The following RAD54B variants were observed in gnomAD, a reference collection of about 807,000 sequenced individuals.
RAD54B encodes the protein RAD54 homolog B.
Under a neutral mutation model 95.8 loss-of-function variants are expected in RAD54B, and 78 were observed. The ratio of observed to expected loss-of-function variants is 0.81; its 90% CI spans 0.68 to 0.98. The LOEUF (loss-of-function observed/expected upper bound fraction) is 0.98. RAD54B is among the 50% of genes least tolerant of loss of function. The pLI is 0.00. For synonymous variants in RAD54B, 328 were observed against 354.9 expected, an observed-to-expected ratio of 0.92 and a Z score of 0.85; for missense variants, 957 against 1,056.6, an observed-to-expected ratio of 0.91 and a Z score of 1.31.
intron 3 of RAD54B, among the ~76,000 whole-genome samples, chr8:94,421,313 C>G (rs934778512): frequency 6.6e-6 from 1 of 152,078 alleles, no homozygotes; most frequent in Non-Finnish European, 1.5e-5. Context: ...TCAAATTTTC[C>G]TCTTACCTCT....
Position 94,458,186 on chromosome 8 carries a change from T to C in RAD54B, c.304+82A>G, listed in dbSNP as rs182913347. 8.5e-6 allele frequency: 11 copies of C among 1,296,656 alleles called. No individual in the cohort carries two copies. In the East Asian group the frequency reaches 2.3e-4, roughly 27 times the overall value. 80.3% of individuals were successfully genotyped at this position (1,296,656 alleles called of 1,614,324 possible). ...ACATCAACAATTTTCTAATATAACATATTCATTCTTAAAACATCATTTAAA... is the reference window on the plus strand; with the variant it reads ...ACATCAACAATTTTCTAATATAACACATTCATTCTTAAAACATCATTTAAA... On this transcript the variant is annotated intron_variant, in intron 3 of 14. Transcript: ENST00000336148.
intron 6 of RAD54B, among the ~76,000 whole-genome samples, 199 bp from the exon 7 acceptor site, chr8:94,400,662 T>A (rs1217656688): frequency 6.6e-6 from 1 of 152,146 alleles, no homozygotes; most frequent in African/African-American, 2.4e-5. Flanking sequence ...AAAACATAAA[T>A]CTGAAATTAG....
rs145354005 is a variant in RAD54B, at chr8:94,439,162, T to C, written c.304+19106A>G. Among the ~76,000 whole-genome samples the C allele has an allele frequency of 9.2e-5, 14 of 152,144 alleles. No individual in the cohort carries two copies. The East Asian group carries it at 2.7e-3, about 29-fold the overall frequency. ...GGGAAAGAGTACTCTTCTGTACCAC[T>C]GAAGGGAGTGTAAAATGACATTTTG... On this transcript the variant is annotated intron_variant, in intron 3 of 14. Transcript: ENST00000336148.
chr8:94,419,520 T>A (rs1414524799), intron 3 of RAD54B, among the ~76,000 whole-genome samples: 1 of 151,712 alleles, frequency 6.6e-6, no homozygotes, highest in African/African-American at 2.4e-5. Context: ...AAAAAATAAA[T>A]AAATAAATGA....
At chr8:94,431,912 GAA>G in intron 3 of RAD54B, 6 of 1,096,546 alleles carry the variant, frequency 5.5e-6, no homozygotes, top group Non-Finnish European at 6.9e-6. Context: ...TAAACTTAGG[GAA>G]AAAAAAAAGA....
At chr8:94,466,421 T>TGGGG (rs1206747469) in intron 2 of RAD54B, among the ~76,000 whole-genome samples, 4 of 150,516 alleles carry the variant, frequency 2.7e-5, no homozygotes, top group Non-Finnish European at 4.4e-5. Context: ...TTTTTTTTTT[T>TGGGG]GGGGGGGACG....
chr8:94,392,764 ATTTTT>A (rs34856809), intron 9 of RAD54B, among the ~76,000 whole-genome samples: 3 of 72,602 alleles, frequency 4.1e-5, no homozygotes, highest in African/African-American at 1.7e-4. Context: ...CACCTGGCTG[ATTTTT>A]TTTTTTTTTT....
chr8:94,412,239 G>A (rs565979958), intron 3 of RAD54B, among the ~76,000 whole-genome samples: 1 of 152,264 alleles, frequency 6.6e-6, no homozygotes, highest in African/African-American at 2.4e-5. Flanking sequence ...GTTCTACTGT[G>A]TACCTATACC....
chr8:94,471,593 T>C (rs1466730580), intron 1 of RAD54B, among the ~76,000 whole-genome samples: 1 of 152,108 alleles, frequency 6.6e-6, no homozygotes, highest in African/African-American at 2.4e-5. Context: ...AGATATAATA[T>C]ACATGTTATA....
At chr8:94,412,910 T>C (rs775177783) in intron 3 of RAD54B, among the ~76,000 whole-genome samples, 1 of 152,174 alleles carries the variant, frequency 6.6e-6, no homozygotes, top group Non-Finnish European at 1.5e-5. Context: ...TGTATTCTTA[T>C]AGACTAGCAA....
At chr8:94,441,094 G>A (rs1014750660) in intron 3 of RAD54B, among the ~76,000 whole-genome samples, 11 of 148,152 alleles carry the variant, frequency 7.4e-5, no homozygotes, top group Admixed American at 5.9e-4. Context: ...TCTGACCACC[G>A]GTGCATGCAG....
intron 4 of RAD54B, among the ~76,000 whole-genome samples, chr8:94,409,616 T>A (rs1396909621): frequency 6.6e-6 from 1 of 152,062 alleles, no homozygotes; most frequent in African/African-American, 2.4e-5. Context: ...TCCTTCCCCA[T>A]CAGCCTCCCA....
intron 3 of RAD54B, among the ~76,000 whole-genome samples, chr8:94,450,973 T>A (rs1377145747): frequency 2.6e-5 from 4 of 152,186 alleles, no homozygotes; most frequent in Non-Finnish European, 4.4e-5. Context: ...GGGTACTATA[T>A]TAGAATTGGA....
intron 3 of RAD54B, among the ~76,000 whole-genome samples, chr8:94,453,754 T>A (rs1812718481): frequency 6.6e-6 from 1 of 152,160 alleles, no homozygotes; most frequent in African/African-American, 2.4e-5. Context: ...AGTAGACAGC[T>A]ATGTAACAGG....
Position 94,383,931 on chromosome 8 carries a change from A to G in RAD54B, c.1985+3053T>C, listed in dbSNP as rs965058741. ...ACCCTGTGCACTGTTGGTGGAAATG[A>G]AAATGGTGCAGTCCTCTATGAAAAA... On this transcript the variant is annotated intron_variant, in intron 11 of 14. Transcript: ENST00000336148. Among the ~76,000 whole-genome samples the G allele has an allele frequency of 2.0e-5, 3 of 152,204 alleles. No homozygotes were observed. In the East Asian group the frequency reaches 5.8e-4, roughly 29 times the overall value.
At chr8:94,445,646 G>GT (rs1330631982) in intron 3 of RAD54B, among the ~76,000 whole-genome samples, 1 of 152,016 alleles carries the variant, frequency 6.6e-6, no homozygotes, top group African/African-American at 2.4e-5. Flanking sequence ...CAGCTGAGTT[G>GT]TATCTGCAGT....
chr8:94,444,071 GA>G (rs1812463881), intron 3 of RAD54B, among the ~76,000 whole-genome samples: 1 of 151,864 alleles, frequency 6.6e-6, no homozygotes, highest in African/African-American at 2.4e-5. Context: ...AAATACAATA[GA>G]AAAATGGTTG....
intron 3 of RAD54B, chr8:94,431,888 G>A: frequency 8.5e-7 from 1 of 1,170,758 alleles, no homozygotes; most frequent in Non-Finnish European, 1.1e-6. Context: ...AATATCTTTT[G>A]TAAGGTCAAC....
At chr8:94,444,843 A>T (rs1812484124) in intron 3 of RAD54B, among the ~76,000 whole-genome samples, 1 of 152,130 alleles carries the variant, frequency 6.6e-6, no homozygotes, top group African/African-American at 2.4e-5. Flanking sequence ...ATCTCCTACA[A>T]CTCAGCAGTG....
Sources: gnomAD v4.1 joint callset for allele counts (sites outside exome capture counted in the v4.1 genomes callset) on GRCh38, gnomAD v4.1.1 for gene constraint, MANE v1.5 for transcripts, NCBI Gene and HGNC (gene_info 2026-07-23, HGNC 2026-07-21) for gene names.